The following RTN4IP1 variants were observed in gnomAD, a reference collection of about 807,000 sequenced individuals.
RTN4IP1 encodes reticulon 4 interacting protein 1, also known as NAD(P)H oxidoreductase RTN4IP1, mitochondrial.
RTN4IP1 carries 32 observed loss-of-function variants against 46.6 expected under a neutral mutation model. The ratio of observed to expected loss-of-function variants is 0.69; its 90% CI spans 0.52 to 0.92. The LOEUF (loss-of-function observed/expected upper bound fraction) is 0.92. Ranked by LOEUF, RTN4IP1 falls within the 40% of genes least tolerant of loss-of-function variation. The pLI, the probability that RTN4IP1 is intolerant of heterozygous loss-of-function variation, is 0.00. For synonymous variants in RTN4IP1, 167 were observed against 161.8 expected (o/e 1.03, Z -0.24); for missense variants, 424 against 485.8 (o/e 0.87, Z 1.20).
At chr6:106,585,310 C>T (rs1191129457) in intron 7 of RTN4IP1, among the ~76,000 whole-genome samples, 3 of 152,130 alleles carry the variant, frequency 2.0e-5, no homozygotes, top group Non-Finnish European at 4.4e-5. Context: ...TCTGTCTCTA[C>T]AAAACAAGAA....
intron 5 of RTN4IP1, among the ~76,000 whole-genome samples, chr6:106,596,876 C>A (rs1219133727): frequency 6.6e-6 from 1 of 152,172 alleles, no homozygotes; most frequent in Non-Finnish European, 1.5e-5. Context: ...ATTCTTGGCG[C>A]ACTCTTCCTT....
At chr6:106,619,049 CAA>C (rs1323155256) in intron 4 of RTN4IP1, among the ~76,000 whole-genome samples, 151 bp downstream of exon 4, 1 of 152,162 alleles carries the variant, frequency 6.6e-6, no homozygotes, top group Non-Finnish European at 1.5e-5. Flanking sequence ...CAAACTGACA[CAA>C]ATAGAATGCT....
chr6:106,626,286 A>G (rs1438235745), intron 1 of RTN4IP1, among the ~76,000 whole-genome samples: 1 of 152,034 alleles, frequency 6.6e-6, no homozygotes, highest in East Asian at 1.9e-4. Flanking sequence ...ATCTAAGCTG[A>G]TGGCCATTAT....
At chr6:106,599,940 T>G (rs1028332932) in intron 5 of RTN4IP1, among the ~76,000 whole-genome samples, 1 of 152,072 alleles carries the variant, frequency 6.6e-6, no homozygotes, top group South Asian at 2.1e-4. Flanking sequence ...CAACTGTGTA[T>G]GATATTTCTC....
chr6:106,581,221 T>C (rs940855872), intron 8 of RTN4IP1, among the ~76,000 whole-genome samples: 1 of 152,226 alleles, frequency 6.6e-6, no homozygotes, highest in African/African-American at 2.4e-5. Flanking sequence ...ACCTTATGAA[T>C]GTATTTTTTC....
At position 106,622,800 on chromosome 6, in the gene RTN4IP1, TGG is replaced by T; in HGVS notation, c.426+16_426+17del. On this transcript the variant is annotated intron_variant, in intron 2 of 8. Transcript: ENST00000369063. The stretch of plus-strand genomic sequence containing the variant: ...GTGGGTTGGATCCCCGCAGGAATAG[TGG>T]CATTCCCTAACTCACCTCATCTCCA... 6.2e-7 allele frequency: 1 copy of T among 1,606,262 alleles called. No homozygotes were observed. Among genetic ancestry groups the T allele is most frequent in the Non-Finnish European group, 8.5e-7 (1 of 1,175,622 alleles).
chr6:106,609,071 C>T (rs1489854112), intron 4 of RTN4IP1, among the ~76,000 whole-genome samples: 3 of 152,222 alleles, frequency 2.0e-5, no homozygotes, highest in African/African-American at 7.2e-5. Flanking sequence ...GGTCTCCTTT[C>T]CCTTGAAGGA....
intron 4 of RTN4IP1, among the ~76,000 whole-genome samples, chr6:106,614,268 G>A (rs1415334032): frequency 1.3e-5 from 2 of 152,188 alleles, no homozygotes; most frequent in African/African-American, 4.8e-5. Context: ...TAGTGCTGAG[G>A]AAGGTGAAAG....
At chr6:106,572,931 T>C (rs906702577) in intron 8 of RTN4IP1, among the ~76,000 whole-genome samples, 20 of 152,208 alleles carry the variant, frequency 1.3e-4, no homozygotes, top group African/African-American at 4.6e-4. Context: ...GCTTCATCAA[T>C]GTCACTTAGG....
intron 4 of RTN4IP1, among the ~76,000 whole-genome samples, chr6:106,612,420 A>G (rs1776248168): frequency 7.4e-6 from 1 of 135,102 alleles, no homozygotes; most frequent in Non-Finnish European, 1.6e-5. Flanking sequence ...AAAGCTTGTG[A>G]TGGGTGACAA....
At chr6:106,589,036 G>C (rs972635092) in intron 6 of RTN4IP1, among the ~76,000 whole-genome samples, 4 of 148,476 alleles carry the variant, frequency 2.7e-5, no homozygotes, top group Non-Finnish European at 5.9e-5. Context: ...CTTGAACCCG[G>C]GAGGCAGAGG....
At chr6:106,588,415 T>C (rs1775538418) in intron 6 of RTN4IP1, among the ~76,000 whole-genome samples, 2 of 152,236 alleles carry the variant, frequency 1.3e-5, no homozygotes, top group Non-Finnish European at 2.9e-5. Context: ...GAAATGCTCA[T>C]GGAAGCATCC....
At chr6:106,587,950 G>C in intron 6 of RTN4IP1, 88 bp from the exon 7 acceptor site, 3 of 1,213,742 alleles carry the variant, frequency 2.5e-6, no homozygotes, top group Non-Finnish European at 3.4e-6. Context: ...AGTTGGCTTA[G>C]GGTTTATTTC....
Position 106,621,492 on chromosome 6 carries a change from AC to A in RTN4IP1, c.427del (p.Val143SerfsTer18). ...DVKYFKPGDEVWAAVPPWKQG... is the reference protein window; with the variant it reads ...DVKYFKPGDEXWAAVPPWKQG... ...TTTCCAAGGAGGAACTGCAGCCCAG[AC>A]CTGAAACACACACAGACAGACAGCT... is the stretch of plus-strand genomic sequence containing the variant. On this transcript the variant is annotated frameshift_variant and splice_region_variant, in exon 3 of 9. Transcript: ENST00000369063. LOFTEE classifies it high-confidence loss of function. 1 of 1,613,572 alleles carries A rather than the reference AC, an allele frequency of 6.2e-7. No homozygotes were observed. Among genetic ancestry groups the A allele is most frequent in the Non-Finnish European group, 8.5e-7 (1 of 1,179,594 alleles).
chr6:106,586,648 C>T (rs1459766959), intron 7 of RTN4IP1, among the ~76,000 whole-genome samples: 2 of 152,198 alleles, frequency 1.3e-5, no homozygotes, highest in African/African-American at 4.8e-5. Context: ...GATGGGATTA[C>T]AGGCATAAGA....
At chr6:106,612,992 A>G (rs1446464896) in intron 4 of RTN4IP1, among the ~76,000 whole-genome samples, 1 of 152,220 alleles carries the variant, frequency 6.6e-6, no homozygotes, top group Non-Finnish European at 1.5e-5. Context: ...AGAATTAAAA[A>G]GAAAATTTTA....
chr6:106,608,127 C>T (rs549375800), intron 4 of RTN4IP1, among the ~76,000 whole-genome samples: 35 of 152,158 alleles, frequency 2.3e-4, no homozygotes, highest in Non-Finnish European at 4.4e-4. Context: ...GGTATGTATA[C>T]ACAAGGTAAT....
At chr6:106,618,932 T>C (rs189917999) in intron 4 of RTN4IP1, among the ~76,000 whole-genome samples, 2 of 152,320 alleles carry the variant, frequency 1.3e-5, no homozygotes, top group Admixed American at 6.5e-5. Flanking sequence ...ATATTTTGCA[T>C]TATTTTAGAA....
intron 8 of RTN4IP1, chr6:106,572,346 G>C: frequency 2.0e-6 from 1 of 504,640 alleles, no homozygotes. Context: ...CTCCATGCTG[G>C]TCTTTCACTC....
Sources: gnomAD v4.1 joint callset for allele counts (sites outside exome capture counted in the v4.1 genomes callset) on GRCh38, gnomAD v4.1.1 for gene constraint, MANE v1.5 for transcripts, NCBI Gene and HGNC (gene_info 2026-07-23, HGNC 2026-07-21) for gene names.